Variants in TRPM7 observed in about 807,000 individuals in gnomAD.
TRPM7 encodes the protein transient receptor potential cation channel subfamily M member 7.
A neutral mutation model predicts 229.7 loss-of-function variants in TRPM7; 134 were observed. The observed-to-expected ratio is 0.58, with a 90% CI of 0.51 to 0.67. The LOEUF is 0.67. TRPM7 is among the 30% of genes least tolerant of loss of function. The probability of loss-of-function intolerance (pLI) is 0.00; values close to 1 mark genes in which losing one functional copy is unlikely to be tolerated. For synonymous variants in TRPM7, 699 were observed against 715.2 expected (o/e 0.98, Z 0.36); for missense variants, 1,901 against 2,210.0 (o/e 0.86, Z 2.80).
At chr15:50,618,433 G>A (rs1185984438) in intron 13 of TRPM7, among the ~76,000 whole-genome samples, 3 of 152,004 alleles carry the variant, frequency 2.0e-5, no homozygotes, top group Non-Finnish European at 4.4e-5. Context: ...AGCCAGGCGT[G>A]GTGGCAGGTG....
At chr15:50,668,592 C>G (rs564288252) in intron 1 of TRPM7, among the ~76,000 whole-genome samples, 100 of 152,330 alleles carry the variant, frequency 6.6e-4, no homozygotes, top group East Asian at 3.9e-4. Flanking sequence ...ACTGCTAACT[C>G]TGCCTCCGGG....
chr15:50,683,477 G>A (rs2062288049), intron 1 of TRPM7, among the ~76,000 whole-genome samples: 1 of 151,742 alleles, frequency 6.6e-6, no homozygotes, highest in Non-Finnish European at 1.5e-5. Flanking sequence ...GCTCACGCCT[G>A]TAATCCCAAC....
intron 25 of TRPM7, 81 bp downstream of exon 25, chr15:50,593,531 AAATTT>A: frequency 7.2e-7 from 1 of 1,392,212 alleles, no homozygotes; most frequent in Non-Finnish European, 9.9e-7. Context: ...TTGACAAAAT[AAATTT>A]AACAATGACC....
At chr15:50,586,284 T>C in intron 28 of TRPM7, 108 bp downstream of exon 28, 2 of 641,710 alleles carry the variant, frequency 3.1e-6, no homozygotes, top group South Asian at 2.3e-5. Context: ...AATTTTCGTC[T>C]TCTGACTCCT....
At position 50,670,675 on chromosome 15, in the gene TRPM7, C is replaced by CAT. The variant is rs1441865972; in HGVS notation, c.4-7631_4-7630dup. Among the ~76,000 whole-genome samples, 2 of 152,076 alleles carry CAT rather than the reference C, an allele frequency of 1.3e-5. 1 individual carries two copies. The highest frequency in any genetic ancestry group is 2.9e-5 in the Non-Finnish European group (2 of 68,034). On this transcript the variant is annotated intron_variant, in intron 1 of 38. Coordinates refer to ENST00000646667, the MANE Select transcript of TRPM7 (RefSeq NM_017672.6). ...CATTAATAATCCACTCCTTGCTTAG[C>CAT]ATATAATCAGGAAATAACCATAAAA...
chr15:50,596,257 GA>G lies in TRPM7; in HGVS notation c.3287del (p.Phe1096SerfsTer8). On this transcript the variant is annotated frameshift_variant, in exon 23 of 39. Transcript: ENST00000646667. LOFTEE classifies it high-confidence loss of function. ...IIMVNLLIAF[F>X]NNVYLQVKAI... is the part of the protein sequence containing the mutation. Reference sequence around the variant, plus strand: ...AAACAATTGAACAAAATTCTTACTTGAAAAATGCAATAAGAAGATTAACCAT... The same window carrying G: ...AAACAATTGAACAAAATTCTTACTTGAAAATGCAATAAGAAGATTAACCAT... 11 of 1,497,342 alleles carry G rather than the reference GA, an allele frequency of 7.3e-6. No individual in the cohort carries two copies. The highest frequency in any genetic ancestry group is 2.8e-5 in the South Asian group (2 of 72,470). The allele number at this position is 1,497,342 out of a possible 1,614,324, so 92.8% of individuals were successfully genotyped here. A position where few individuals can be genotyped will look rare whatever the true frequency, so the allele number is the denominator to read the frequency against.
At chr15:50,660,580 G>A (rs906913061) in intron 2 of TRPM7, among the ~76,000 whole-genome samples, 8 of 152,052 alleles carry the variant, frequency 5.3e-5, no homozygotes, top group Admixed American at 1.3e-4. Context: ...GCTTGAACCC[G>A]GAAGGCAGAC....
At chr15:50,680,127 G>T (rs756240386) in intron 1 of TRPM7, among the ~76,000 whole-genome samples, 1 of 151,956 alleles carries the variant, frequency 6.6e-6, no homozygotes, top group Non-Finnish European at 1.5e-5. Context: ...CTAGCTACTC[G>T]GGAGGCTGAC....
In TRPM7 at chr15:50,643,566, T is replaced by G; in HGVS notation, c.322-13A>C. On this transcript the variant is annotated splice_polypyrimidine_tract_variant and intron_variant, in intron 4 of 38. Coordinates refer to ENST00000646667, the MANE Select transcript of TRPM7 (RefSeq NM_017672.6). The stretch of plus-strand genomic sequence containing the variant: ...ATAGCCTCACATACTAGAAAAAGAT[T>G]TTAAAAGGAGAAAATAATTGAACAT... The G allele has an allele frequency of 1.2e-6, 2 of 1,606,182 alleles. No individual in the cohort carries two copies.
intron 11 of TRPM7, among the ~76,000 whole-genome samples, chr15:50,625,156 T>C (rs1190422706): frequency 1.3e-5 from 2 of 152,214 alleles, no homozygotes; most frequent in African/African-American, 2.4e-5. Context: ...TGTTTTAATA[T>C]AGTCTGTATA....
Position 50,593,612 on chromosome 15 carries a change from T to C in TRPM7, c.3608+5A>G, listed in dbSNP as rs1485806991. On this transcript the variant is annotated splice_donor_5th_base_variant and intron_variant, in intron 25 of 38. Coordinates refer to ENST00000646667, the MANE Select transcript of TRPM7 (RefSeq NM_017672.6). ...TAACCGATTTTAACTAAAGGGCTTC[T>C]GAACCTTTCAAAAGTGACACGAATT... 2.5e-6 allele frequency: 4 copies of C among 1,611,186 alleles called. No individual in the cohort carries two copies. The highest frequency in any genetic ancestry group is 1.1e-5 in the South Asian group (1 of 90,408).
At chr15:50,658,383 G>A (rs1407061916) in intron 2 of TRPM7, among the ~76,000 whole-genome samples, 2 of 151,674 alleles carry the variant, frequency 1.3e-5, no homozygotes, top group Non-Finnish European at 2.9e-5. Context: ...GATCAGCCTG[G>A]GCAACAAAGC....
intron 4 of TRPM7, among the ~76,000 whole-genome samples, chr15:50,646,647 C>A (rs1289937716): frequency 6.6e-6 from 1 of 152,092 alleles, no homozygotes; most frequent in Non-Finnish European, 1.5e-5. Context: ...AATTAAAATT[C>A]ATGCTGACAA....
intron 1 of TRPM7, among the ~76,000 whole-genome samples, chr15:50,671,358 G>C (rs919616681): frequency 2.0e-5 from 3 of 152,112 alleles, no homozygotes; most frequent in African/African-American, 7.2e-5. Context: ...ATGTCCTCCA[G>C]GCCCATCCAG....
At chr15:50,577,653 G>A (rs1566946230) in intron 31 of TRPM7, among the ~76,000 whole-genome samples, 1 of 152,110 alleles carries the variant, frequency 6.6e-6, no homozygotes, top group Non-Finnish European at 1.5e-5. Context: ...AACCTATTTG[G>A]TAGTAATTAC....
chr15:50,633,533 T>C lies in TRPM7; in HGVS notation c.1008-541A>G, dbSNP rs531622513. On this transcript the variant is annotated intron_variant, in intron 8 of 38. Coordinates refer to ENST00000646667, the MANE Select transcript of TRPM7 (RefSeq NM_017672.6). The stretch of plus-strand genomic sequence containing the variant: ...CAAGATGTCTTTCTGCATATACAAA[T>C]AATTATCCCCTCTCCTTTTATTCTA... Among the ~76,000 whole-genome samples the C allele has an allele frequency of 5.9e-5, 9 of 152,318 alleles. No homozygotes were observed. The East Asian group carries it at 1.5e-3, about 26-fold the overall frequency.
At chr15:50,638,767 C>T (rs1429946800) in intron 6 of TRPM7, among the ~76,000 whole-genome samples, 1 of 152,032 alleles carries the variant, frequency 6.6e-6, no homozygotes, top group African/African-American at 2.4e-5. Flanking sequence ...CTCACTGCAA[C>T]CTCTGCCTTC....
intron 10 of TRPM7, among the ~76,000 whole-genome samples, chr15:50,630,025 C>A (rs948466265): frequency 6.6e-6 from 1 of 151,938 alleles, no homozygotes; most frequent in Admixed American, 6.6e-5. Flanking sequence ...CCACCCCCAG[C>A]TAATTTTTGT....
intron 1 of TRPM7, among the ~76,000 whole-genome samples, chr15:50,665,224 C>T (rs1180065411): frequency 6.6e-6 from 1 of 151,604 alleles, no homozygotes; most frequent in African/African-American, 2.4e-5. Context: ...CATGGTGAAA[C>T]CCGTCTCTAC....
Sources: allele counts gnomAD v4.1 joint callset (sites outside exome capture counted in the v4.1 genomes callset), GRCh38; gene constraint gnomAD v4.1.1; transcripts MANE v1.5; gene names NCBI Gene and HGNC (gene_info 2026-07-23, HGNC 2026-07-21).